The following DAOA variants were observed in gnomAD, a reference collection of about 807,000 sequenced individuals.
The protein encoded by DAOA is D-amino acid oxidase regulator.
A neutral mutation model predicts 16.4 loss-of-function variants in DAOA; 15 were observed. That is an observed-to-expected ratio of 0.91 (90% CI 0.61 to 1.41). DAOA has a LOEUF of 1.41. Among genes scored for constraint, DAOA ranks in the 40% most tolerant of loss-of-function variants. The pLI, the probability that DAOA is intolerant of heterozygous loss-of-function variation, is 0.00. For synonymous variants in DAOA, 75 were observed against 59.1 expected, an observed-to-expected ratio of 1.27 and a Z score of -1.23; for missense variants, 230 against 176.8, an observed-to-expected ratio of 1.30 and a Z score of -1.71.
intron 4 of DAOA, among the ~76,000 whole-genome samples, chr13:105,480,237 G>A (rs140058914): frequency 0.011 from 1,690 of 152,096 alleles, 24 homozygotes; most frequent in Middle Eastern, 0.017. Flanking sequence ...TCTTTTGGAG[G>A]CTGTCATTTT....
In DAOA at chr13:105,467,116, A is replaced by G. The variant is rs779223185; in HGVS notation, c.108A>G (p.Lys36=). 10 of 1,610,374 alleles carry G rather than the reference A, an allele frequency of 6.2e-6. No individual in the cohort carries two copies. In the East Asian group the frequency reaches 2.2e-4, roughly 36 times the overall value. ...IGFQRSILLS[K]SENSLNSIAK... is the part of the protein sequence containing the mutation. The stretch of plus-strand genomic sequence containing the variant: ...TTCAAAGGAGCATTCTTCTGAGCAA[A>G]TCTGAAAACTCTCTAAACTCTATTG... Residue 36 remains lysine, a synonymous_variant, in exon 3 of 6, where the codon AAA becomes AAG. Coordinates refer to ENST00000375936, the MANE Select transcript of DAOA (RefSeq NM_172370.5).
At chr13:105,476,082 T>C (rs894467002) in intron 4 of DAOA, among the ~76,000 whole-genome samples, 1 of 152,150 alleles carries the variant, frequency 6.6e-6, no homozygotes, top group African/African-American at 2.4e-5. Context: ...CTCATATTAG[T>C]TTATTAAAAT....
chr13:105,474,443 C>T (rs545352525), intron 4 of DAOA, among the ~76,000 whole-genome samples: 1 of 152,132 alleles, frequency 6.6e-6, no homozygotes, highest in Non-Finnish European at 1.5e-5. Flanking sequence ...TGGCACTATT[C>T]TGCTTCTTCA....
intron 4 of DAOA, among the ~76,000 whole-genome samples, chr13:105,482,492 T>C (rs1273588443): frequency 6.6e-6 from 1 of 151,442 alleles, no homozygotes; most frequent in Non-Finnish European, 1.5e-5. Flanking sequence ...TCCTCTGCTT[T>C]GACCTTGGTG....
chr13:105,487,055 G>A (rs1878161732), intron 4 of DAOA, among the ~76,000 whole-genome samples: 1 of 152,124 alleles, frequency 6.6e-6, no homozygotes, highest in Non-Finnish European at 1.5e-5. Context: ...GGATTACAGT[G>A]GTCAGGAATT....
chr13:105,469,555 G>A (rs934114629), intron 3 of DAOA, among the ~76,000 whole-genome samples: 1 of 152,114 alleles, frequency 6.6e-6, no homozygotes, highest in African/African-American at 2.4e-5. Context: ...TTATTATAGG[G>A]GACTGAGTTT....
rs553160678 is a variant in DAOA, at chr13:105,488,865, A to G, written c.282-1036A>G. Among the ~76,000 whole-genome samples, 10 of 152,348 alleles carry G rather than the reference A, an allele frequency of 6.6e-5. No homozygotes were observed. In the South Asian group the frequency reaches 1.9e-3, roughly 28 times the overall value. On this transcript the variant is annotated intron_variant, in intron 4 of 5. Transcript: ENST00000375936. ...GATGGTAATCTCTCAAACTGAGAAG[A>G]TACTTTTCAATCAACATGGCTTGAC...
intron 4 of DAOA, among the ~76,000 whole-genome samples, chr13:105,483,236 T>TATCC (rs1157485694): frequency 6.6e-6 from 1 of 152,216 alleles, no homozygotes; most frequent in Admixed American, 6.5e-5. Flanking sequence ...ACAGTTTCTT[T>TATCC]ATCCATCCAT....
chr13:105,488,885 C>T (rs1025764599), intron 4 of DAOA, among the ~76,000 whole-genome samples: 6 of 152,156 alleles, frequency 3.9e-5, no homozygotes, highest in Admixed American at 3.9e-4. Flanking sequence ...ATCAACATGG[C>T]TTGACTGTTT....
chr13:105,485,725 T>C (rs768551922), intron 4 of DAOA, among the ~76,000 whole-genome samples: 1 of 152,038 alleles, frequency 6.6e-6, no homozygotes, highest in South Asian at 2.1e-4. Flanking sequence ...GAGGCAGACA[T>C]ACACGGAGAA....
chr13:105,490,272 T>A, intron 5 of DAOA, 80 bp downstream of exon 5: 1 of 700,736 alleles, frequency 1.4e-6, no homozygotes, highest in Non-Finnish European at 1.8e-6. Context: ...TTATGAAGAT[T>A]TGTTACACAA....
rs1411713595 is a variant in DAOA at position 105,472,688 on chromosome 13, A to G, written c.281+3A>G. The G allele has an allele frequency of 2.5e-6, 4 of 1,597,644 alleles. No individual in the cohort carries two copies. The highest frequency in any genetic ancestry group is 3.4e-6 in the Non-Finnish European group (4 of 1,173,232). ...TACCTTCCTCAGCCCTATGCAGAGTATGTATCTTCTTCATTTTAAACTTTT... is the reference window on the plus strand; with the variant it reads ...TACCTTCCTCAGCCCTATGCAGAGTGTGTATCTTCTTCATTTTAAACTTTT... On this transcript the variant is annotated splice_donor_region_variant and intron_variant, in intron 4 of 5. Coordinates refer to ENST00000375936, the MANE Select transcript of DAOA (RefSeq NM_172370.5).
At chr13:105,480,926 C>T (rs9583000) in intron 4 of DAOA, among the ~76,000 whole-genome samples, 11,186 of 152,202 alleles carry the variant, frequency 0.073, 553 homozygotes, top group African/African-American at 0.14. Context: ...AGTCCACTGA[C>T]GCAGATGCCA....
chr13:105,475,464 G>A (rs1365641124), intron 4 of DAOA, among the ~76,000 whole-genome samples: 2 of 152,150 alleles, frequency 1.3e-5, no homozygotes, highest in Admixed American at 1.3e-4. Flanking sequence ...AGCTTTTGCA[G>A]TGTTGGTGCT....
Position 105,472,642 on chromosome 13 carries a change from T to G in DAOA, c.238T>G (p.Ser80Ala). ...AATGGCACAGAGGCATTTACAGAGA[T>G]CATTATGTCCTTGGGTCTCTTACCT... ...LEMAQRHLQR[S>A]LCPWVSYLPQ... The change falls in exon 4 of 6, where the codon TCA (serine) becomes GCA (alanine). Residue 80 changes from serine to alanine, a missense_variant. Physicochemically the swap from Ser to Ala is moderately conservative, Grantham distance 99 (BLOSUM62 1). Transcript: ENST00000375936. 6.2e-7 allele frequency: 1 copy of G among 1,614,034 alleles called. No individual in the cohort carries two copies. The highest frequency in any genetic ancestry group is 2.2e-5 in the East Asian group (1 of 44,858).
At chr13:105,484,701 C>T (rs764162258) in intron 4 of DAOA, among the ~76,000 whole-genome samples, 1 of 151,982 alleles carries the variant, frequency 6.6e-6, no homozygotes, top group Non-Finnish European at 1.5e-5. Context: ...GCTCTTATAC[C>T]TTTTTGTATG....
At chr13:105,480,227 T>C (rs1010104436) in intron 4 of DAOA, among the ~76,000 whole-genome samples, 8 of 152,198 alleles carry the variant, frequency 5.3e-5, no homozygotes, top group Admixed American at 2.0e-4. Flanking sequence ...ATGATTTTAG[T>C]CTTTTGGAGG....
intron 4 of DAOA, chr13:105,475,154 G>A: frequency 1.9e-6 from 1 of 527,230 alleles, no homozygotes; most frequent in Non-Finnish European, 2.4e-6. Flanking sequence ...CCAGACTCCT[G>A]GGCCTTCATT....
At chr13:105,482,341 G>A (rs1877799522) in intron 4 of DAOA, among the ~76,000 whole-genome samples, 1 of 150,540 alleles carries the variant, frequency 6.6e-6, no homozygotes, top group South Asian at 2.1e-4. Context: ...GAAACGAATG[G>A]CCTTTTTTAA....
Sources: allele counts gnomAD v4.1 joint callset (sites outside exome capture counted in the v4.1 genomes callset), GRCh38; gene constraint gnomAD v4.1.1; transcripts MANE v1.5; gene names NCBI Gene and HGNC (gene_info 2026-07-23, HGNC 2026-07-21).